The following ROR2 variants were observed in gnomAD, a reference collection of about 807,000 sequenced individuals.
ROR2 encodes ROR family WNT receptor 2, also known as tyrosine-protein kinase transmembrane receptor ROR2.
In ROR2, 33 loss-of-function variants were observed where a neutral mutation model predicts 74.9. That is an observed-to-expected ratio of 0.44 (90% confidence interval 0.33 to 0.59). ROR2 has a LOEUF of 0.59. Among genes scored for constraint, ROR2 ranks in the 20% least tolerant of loss-of-function variants. The probability of loss-of-function intolerance (pLI) is 0.02; values close to 1 mark genes in which losing one functional copy is unlikely to be tolerated. For synonymous variants in ROR2, 586 were observed against 558.7 expected (o/e 1.05, Z -0.69); for missense variants, 1,216 against 1,313.8 (o/e 0.93, Z 1.15).
chr9:91,949,152 C>T (rs1253700710), intron 1 of ROR2, among the ~76,000 whole-genome samples: 1 of 151,692 alleles, frequency 6.6e-6, no homozygotes, highest in Admixed American at 6.5e-5. Flanking sequence ...GGCCGCGCCC[C>T]AGCCGCTCAG....
At chr9:91,858,614 C>T (rs1489015248) in intron 1 of ROR2, among the ~76,000 whole-genome samples, 4 of 152,194 alleles carry the variant, frequency 2.6e-5, no homozygotes, top group Non-Finnish European at 4.4e-5. Flanking sequence ...GGCTCATTAA[C>T]GTGGAGGCAA....
In ROR2 at chr9:91,809,285, T is replaced by C. The variant is rs114314417; in HGVS notation, c.98-33467A>G. ...AATTTGCTCAATGGGAGTGTCAGTGTGAAGTCTAACATTTTGCTCCTGAGT... is the reference window on the plus strand; with the variant it reads ...AATTTGCTCAATGGGAGTGTCAGTGCGAAGTCTAACATTTTGCTCCTGAGT... On this transcript the variant is annotated intron_variant, in intron 1 of 8. Coordinates refer to ENST00000375708, the MANE Select transcript of ROR2 (RefSeq NM_004560.4). Among the ~76,000 whole-genome samples the C allele has an allele frequency of 3.0e-3, 450 of 152,316 alleles. 2 individuals are homozygous for C. The highest frequency in any genetic ancestry group is 9.9e-3 in the African/African-American group (411 of 41,544).
In ROR2 at chr9:91,733,070, G is replaced by T; in HGVS notation, c.937+52C>A. The T allele has an allele frequency of 6.6e-7, 1 of 1,506,452 alleles. No individual in the cohort carries two copies. The highest frequency in any genetic ancestry group is 8.9e-7 in the Non-Finnish European group (1 of 1,119,176). 93.3% of individuals were successfully genotyped at this position (1,506,452 alleles called of 1,614,324 possible). On this transcript the variant is annotated intron_variant, in intron 6 of 8. Transcript: ENST00000375708. This position sits in a 1 kb window ranked among gnomAD's most constrained non-coding sequence, Gnocchi z 5.7. ...CGACACCCCCATACACATTTCAAGG[G>T]CCCTACACTCCCTGCGCCCCCCGGT... is the stretch of plus-strand genomic sequence containing the variant.
Position 91,949,930 on chromosome 9 carries a change from G to T in ROR2, c.34C>A (p.Leu12Met). The T allele has an allele frequency of 1.3e-6, 2 of 1,519,744 alleles. No individual in the cohort carries two copies. The highest frequency in any genetic ancestry group is 5.2e-5 in the East Asian group (2 of 38,414). The allele number at this position is 1,519,744 out of a possible 1,614,324, so 94.1% of individuals were successfully genotyped here. ...GCCCAGACGGCCGGGATGCACAGCA[G>T]CGGCCGCCGCGGGAGCGCCGAGCCC... is the stretch of plus-strand genomic sequence containing the variant. ...ARGSALPRRP[L>M]LCIPAVWAAA... Residue 12 changes from leucine (L) to methionine (M), a missense_variant, in exon 1 of 9, where the codon CTG becomes ATG. Leu to Met is a conservative substitution (Grantham distance 15). Transcript: ENST00000375708.
At chr9:91,784,618 C>G (rs961036064) in intron 1 of ROR2, among the ~76,000 whole-genome samples, 1 of 152,184 alleles carries the variant, frequency 6.6e-6, no homozygotes, top group Non-Finnish European at 1.5e-5. Context: ...GTATATACCA[C>G]GTTAACATTC....
intron 1 of ROR2, among the ~76,000 whole-genome samples, chr9:91,839,641 G>A (rs1828724370): frequency 6.6e-6 from 1 of 151,192 alleles, no homozygotes; most frequent in Admixed American, 6.6e-5. Context: ...TGTGTGGTGT[G>A]AGAGGTATAT....
chr9:91,726,751 C>T lies in ROR2; in HGVS notation c.1184-8G>A. The T allele has an allele frequency of 6.2e-7, 1 of 1,613,744 alleles. No individual in the cohort carries two copies. ...TGCTGCTGTCTCGGGGACCTGTGAA[C>T]AATAAGGCTTTCGTGATTTTTCAGA... On this transcript the variant is annotated splice_polypyrimidine_tract_variant and splice_region_variant and intron_variant, in intron 7 of 8. Coordinates refer to ENST00000375708, the MANE Select transcript of ROR2 (RefSeq NM_004560.4).
chr9:91,881,072 T>G (rs1221010664), intron 1 of ROR2, among the ~76,000 whole-genome samples: 3 of 152,178 alleles, frequency 2.0e-5, no homozygotes, highest in Non-Finnish European at 4.4e-5. Flanking sequence ...TACTTTCAGA[T>G]GGCTAGAGGG....
intron 1 of ROR2, among the ~76,000 whole-genome samples, chr9:91,810,139 G>C (rs1269182276): frequency 6.6e-6 from 1 of 152,224 alleles, no homozygotes; most frequent in Non-Finnish European, 1.5e-5. Context: ...AGCAACCCTG[G>C]GCTGAGACAT....
rs771894717 is a variant in ROR2, at chr9:91,724,763, G to A, written c.1731C>T (p.Thr577=). 1.5e-5 allele frequency: 24 copies of A among 1,613,594 alleles called. No homozygotes were observed. The highest frequency in any genetic ancestry group is 4.0e-5 in the African/African-American group (3 of 74,912). ...CGGACTTCACCGTGCGGTCATCATCGGTGCTGCCCACGTCCGAGTGCGGCG... is the reference window on the plus strand; with the variant it reads ...CGGACTTCACCGTGCGGTCATCATCAGTGCTGCCCACGTCCGAGTGCGGCG... The part of the protein sequence containing the change: ...MRSPHSDVGS[T]DDDRTVKSAL... The change falls in exon 9 of 9, where the codon ACC becomes ACT. Residue 577 remains threonine (T), a synonymous_variant. Coordinates refer to ENST00000375708, the MANE Select transcript of ROR2 (RefSeq NM_004560.4).
intron 1 of ROR2, among the ~76,000 whole-genome samples, chr9:91,784,452 C>G (rs752676365): frequency 2.6e-5 from 4 of 152,110 alleles, no homozygotes; most frequent in Non-Finnish European, 4.4e-5. Context: ...GTGCAGGAAG[C>G]CAGATACAAA....
intron 2 of ROR2, among the ~76,000 whole-genome samples, chr9:91,760,779 A>C (rs1180758037): frequency 6.6e-6 from 1 of 152,166 alleles, no homozygotes; most frequent in Non-Finnish European, 1.5e-5. Flanking sequence ...AATTTGCATA[A>C]AACTACCCAC....
At position 91,771,174 on chromosome 9, in the gene ROR2, T is replaced by A. The variant is rs577881706; in HGVS notation, c.175+4567A>T. Among the ~76,000 whole-genome samples, 3 of 152,334 alleles carry A rather than the reference T, an allele frequency of 2.0e-5. No homozygotes were observed. The South Asian group carries it at 6.2e-4, about 32-fold the overall frequency. Reference sequence around the variant, plus strand: ...TGGGCAAAGTCAGGAATCCCCCTGCTGGCTGCAGTGTGGACGAGGAGCAGC... The same window carrying A: ...TGGGCAAAGTCAGGAATCCCCCTGCAGGCTGCAGTGTGGACGAGGAGCAGC... On this transcript the variant is annotated intron_variant, in intron 2 of 8. Coordinates refer to ENST00000375708, the MANE Select transcript of ROR2 (RefSeq NM_004560.4).
chr9:91,948,828 G>C (rs1832083552), intron 1 of ROR2: 1 of 985,462 alleles, frequency 1.0e-6, no homozygotes, highest in Admixed American at 6.1e-5. Context: ...TCCTGGGCCT[G>C]AAGGCCCCGC....
rs1231343818 is a variant in ROR2, at chr9:91,852,651, C to CACACACACACACACACACA, written c.98-76834_98-76833insTGTGTGTGTGTGTGTGTGT. ...CACACACACACACACACACACACAC[C>CACACACACACACACACACA]CACACACACAATGTAAGTCCATAAG... On this transcript the variant is annotated intron_variant, in intron 1 of 8. Coordinates refer to ENST00000375708, the MANE Select transcript of ROR2 (RefSeq NM_004560.4). Among the ~76,000 whole-genome samples the CACACACACACACACACACA allele has an allele frequency of 5.1e-3, 727 of 143,170 alleles. 19 individuals carry two copies. The highest frequency in any genetic ancestry group is 0.016 in the African/African-American group (581 of 36,846). The allele number at this position is 143,170 out of a possible 152,430, so 93.9% of individuals were successfully genotyped here. A position where few individuals can be genotyped will look rare whatever the true frequency, so the allele number is the denominator to read the frequency against.
chr9:91,778,286 T>C (rs1214911205), intron 1 of ROR2, among the ~76,000 whole-genome samples: 1 of 152,238 alleles, frequency 6.6e-6, no homozygotes, highest in Non-Finnish European at 1.5e-5. Context: ...GCTATCATCG[T>C]TCCTGACCGA....
rs570766128 is a variant in ROR2 at position 91,894,204 on chromosome 9, G to A, written c.97+55663C>T. On this transcript the variant is annotated intron_variant, in intron 1 of 8. Coordinates refer to ENST00000375708, the MANE Select transcript of ROR2 (RefSeq NM_004560.4). ...AACACACCAAGCTTGCTCCAGCCAC[G>A]GGGCCTTTGCACTGGCCACTCCCTC... 4.6e-5 allele frequency among the ~76,000 whole-genome samples: 7 copies of A among 152,156 alleles called. No homozygotes were observed. In the South Asian group the frequency reaches 8.3e-4, roughly 18 times the overall value.
At chr9:91,796,252 G>A (rs1333976514) in intron 1 of ROR2, among the ~76,000 whole-genome samples, 2 of 151,790 alleles carry the variant, frequency 1.3e-5, no homozygotes, top group Non-Finnish European at 2.9e-5. Context: ...GACCAGCTTG[G>A]GCAACATGGC....
chr9:91,819,788 G>C (rs1296156221), intron 1 of ROR2, among the ~76,000 whole-genome samples: 1 of 150,176 alleles, frequency 6.7e-6, no homozygotes, highest in Non-Finnish European at 1.5e-5. Context: ...GTGTATGTCT[G>C]TGTCTTTGTT....
Sources: gnomAD v4.1 joint callset for allele counts (sites outside exome capture counted in the v4.1 genomes callset) on GRCh38, gnomAD v4.1.1 for gene constraint, Gnocchi (gnomAD v3.1) non-coding constraint, MANE v1.5 for transcripts, NCBI Gene and HGNC (gene_info 2026-07-23, HGNC 2026-07-21) for gene names.